Variants in HECW2 observed in about 807,000 individuals in gnomAD.
The protein encoded by HECW2 is HECT, C2 and WW domain containing E3 ubiquitin protein ligase 2.
A neutral mutation model predicts 175.2 loss-of-function variants in HECW2; 61 were observed. The observed-to-expected ratio is 0.35, with a 90% CI of 0.28 to 0.43. The LOEUF is 0.43. Among genes scored for constraint, HECW2 ranks in the 20% least tolerant of loss-of-function variants. The pLI is 1.00. For synonymous variants in HECW2, 671 were observed against 731.0 expected, an observed-to-expected ratio of 0.92 and a Z score of 1.32; for missense variants, 1,524 against 2,000.5, an observed-to-expected ratio of 0.76 and a Z score of 4.54.
intron 2 of HECW2, among the ~76,000 whole-genome samples, chr2:196,422,051 AT>A (rs1695420639): frequency 6.6e-6 from 1 of 152,142 alleles, no homozygotes; most frequent in African/African-American, 2.4e-5. Context: ...GCTATTTTTC[AT>A]CTATAATGGT....
chr2:196,393,758 T>G lies in HECW2; in HGVS notation c.292+39374A>C, dbSNP rs1168298433. ...GAAGACAGTGTGGCGATTCCTCAAGTATCTAGAACTAAAATACCATTTGAC... is the reference window on the plus strand; with the variant it reads ...GAAGACAGTGTGGCGATTCCTCAAGGATCTAGAACTAAAATACCATTTGAC... On this transcript the variant is annotated intron_variant, in intron 2 of 28. Transcript: ENST00000644978. 3.9e-5 allele frequency among the ~76,000 whole-genome samples: 6 copies of G among 152,298 alleles called. No homozygotes were observed. The East Asian group carries it at 5.8e-4, about 15-fold the overall frequency.
At chr2:196,466,513 G>A (rs1442549470) in intron 1 of HECW2, among the ~76,000 whole-genome samples, 2 of 152,110 alleles carry the variant, frequency 1.3e-5, no homozygotes, top group Non-Finnish European at 2.9e-5. Flanking sequence ...CAGCCCTCAG[G>A]GCACTTCCAA....
In HECW2 at chr2:196,307,086, T is replaced by C. The variant is rs560143403; in HGVS notation, c.2689+44A>G. The C allele has an allele frequency of 3.6e-6, 5 of 1,378,542 alleles. No individual in the cohort carries two copies. The Admixed American group carries it at 6.9e-5, about 19-fold the overall frequency. 85.4% of individuals were successfully genotyped at this position (1,378,542 alleles called of 1,614,324 possible). A position where few individuals can be genotyped will look rare whatever the true frequency, so the allele number is the denominator to read the frequency against. ...GTTGGGAATCCTTATTTGCTTCTTTTTCCACTTTTATGAAATTACAAAAAC... is the reference window on the plus strand; with the variant it reads ...GTTGGGAATCCTTATTTGCTTCTTTCTCCACTTTTATGAAATTACAAAAAC... On this transcript the variant is annotated intron_variant, in intron 12 of 28. Transcript: ENST00000644978.
intron 19 of HECW2, among the ~76,000 whole-genome samples, chr2:196,248,677 G>C (rs1026777771): frequency 7.5e-5 from 11 of 146,898 alleles, no homozygotes; most frequent in Non-Finnish European, 1.3e-4. Flanking sequence ...AAGAAAAGGA[G>C]AGAGAGAATG....
chr2:196,530,577 T>C (rs1050083732), intron 1 of HECW2, among the ~76,000 whole-genome samples: 3 of 152,244 alleles, frequency 2.0e-5, no homozygotes, highest in Non-Finnish European at 2.9e-5. Flanking sequence ...AATGGTTTCA[T>C]GTCTACCTTT....
intron 28 of HECW2, among the ~76,000 whole-genome samples, chr2:196,213,586 A>G (rs911805319): frequency 2.0e-5 from 3 of 152,200 alleles, no homozygotes; most frequent in African/African-American, 2.4e-5. Context: ...TGCTTGCTCA[A>G]TGTGCCTAAG....
rs373289055 is a variant in HECW2 at position 196,318,582 on chromosome 2, C to T, written c.2308G>A (p.Ala770Thr). The change falls in exon 9 of 29, where the codon GCA becomes ACA. Residue 770 changes from alanine to threonine, a missense_variant. Coordinates refer to ENST00000644978, the MANE Select transcript of HECW2 (RefSeq NM_001348768.2). ...AGEAQGTCEG[A>T]TAQEEGATGG... ...GTAGCGCCCTCCTCCTGGGCAGTTGCCCCTTCACAGGTGCCTTGGGCCTCC... is the reference window on the plus strand; with the variant it reads ...GTAGCGCCCTCCTCCTGGGCAGTTGTCCCTTCACAGGTGCCTTGGGCCTCC... The T allele has an allele frequency of 3.3e-6, 5 of 1,531,362 alleles. No individual in the cohort carries two copies. Among genetic ancestry groups the T allele is most frequent in the South Asian group, 1.3e-5 (1 of 76,768 alleles). 94.9% of individuals were successfully genotyped at this position (1,531,362 alleles called of 1,614,324 possible).
chr2:196,532,877 T>G (rs573093579), intron 1 of HECW2, among the ~76,000 whole-genome samples: 1 of 152,306 alleles, frequency 6.6e-6, no homozygotes, highest in East Asian at 1.9e-4. Flanking sequence ...TTGGCATAAC[T>G]TAGCGTGGCT....
chr2:196,222,157 C>G, intron 24 of HECW2, 54 bp downstream of exon 24: 3 of 1,551,848 alleles, frequency 1.9e-6, no homozygotes, highest in Non-Finnish European at 2.6e-6. Flanking sequence ...ATTCTTCACT[C>G]ATCAATAGCC....
At chr2:196,468,294 T>C (rs1274590756) in intron 1 of HECW2, among the ~76,000 whole-genome samples, 3 of 152,216 alleles carry the variant, frequency 2.0e-5, no homozygotes, top group Non-Finnish European at 4.4e-5. Flanking sequence ...CGTGCCCAGC[T>C]GGTTGTTCTT....
At chr2:196,254,120 T>G in intron 18 of HECW2, 91 bp from the exon 19 acceptor site, 206 of 1,524,916 alleles carry the variant, frequency 1.4e-4, no homozygotes, top group Non-Finnish European at 1.6e-4. Context: ...CCATCCAAGA[T>G]CCGGTTTATA....
At chr2:196,380,948 G>C (rs1694191469) in intron 2 of HECW2, among the ~76,000 whole-genome samples, 1 of 152,120 alleles carries the variant, frequency 6.6e-6, no homozygotes, top group African/African-American at 2.4e-5. Flanking sequence ...GTTGACTTTT[G>C]CAATTTTCTC....
intron 14 of HECW2, among the ~76,000 whole-genome samples, chr2:196,279,643 A>C (rs767478084): frequency 2.0e-5 from 3 of 152,194 alleles, no homozygotes; most frequent in African/African-American, 4.8e-5. Flanking sequence ...TCCATTGTCC[A>C]CAGAAAAGAC....
intron 14 of HECW2, chr2:196,290,888 A>G (rs1212097246): frequency 6.6e-6 from 1 of 152,182 alleles, no homozygotes; most frequent in East Asian, 1.9e-4. Context: ...CATAATCACA[A>G]GCCCAATTCT....
At chr2:196,273,478 T>C (rs1377239616) in intron 16 of HECW2, among the ~76,000 whole-genome samples, 1 of 152,212 alleles carries the variant, frequency 6.6e-6, no homozygotes, top group South Asian at 2.1e-4. Flanking sequence ...TACTTCAACC[T>C]CATCCTTTTA....
intron 17 of HECW2, among the ~76,000 whole-genome samples, chr2:196,270,620 G>A (rs1335868984): frequency 6.6e-6 from 1 of 151,994 alleles, no homozygotes; most frequent in Non-Finnish European, 1.5e-5. Context: ...TGCACTTCTA[G>A]GATAAACGCT....
chr2:196,256,380 A>G (rs867691445), intron 18 of HECW2, among the ~76,000 whole-genome samples: 7 of 152,196 alleles, frequency 4.6e-5, no homozygotes, highest in African/African-American at 1.7e-4. Context: ...TGTATGAATG[A>G]GTTCTGAATT....
At chr2:196,331,036 G>A (rs1692339372) in intron 4 of HECW2, 1 of 488,264 alleles carries the variant, frequency 2.0e-6, no homozygotes, top group East Asian at 1.5e-4. Flanking sequence ...TCCAAGCAAA[G>A]TTGAGAAATT....
intron 2 of HECW2, among the ~76,000 whole-genome samples, chr2:196,376,620 A>G (rs1694058251): frequency 7.6e-6 from 1 of 131,614 alleles, no homozygotes; most frequent in Non-Finnish European, 1.6e-5. Context: ...TGGGCAACAG[A>G]GCAAGACTCT....
Sources: allele counts gnomAD v4.1 joint callset (sites outside exome capture counted in the v4.1 genomes callset), GRCh38; gene constraint gnomAD v4.1.1; transcripts MANE v1.5; gene names NCBI Gene and HGNC (gene_info 2026-07-23, HGNC 2026-07-21).